Variants in PKHD1 observed in about 807,000 individuals in gnomAD.
PKHD1 encodes the protein PKHD1 ciliary IPT domain containing fibrocystin/polyductin.
Under a neutral mutation model 412.0 loss-of-function variants are expected in PKHD1, and 291 were observed. The observed-to-expected ratio is 0.71, with a 90% CI of 0.64 to 0.78. The LOEUF (loss-of-function observed/expected upper bound fraction) is 0.78, where lower values mean the gene tolerates loss of function less well. PKHD1 is among the 30% of genes least tolerant of loss of function. The pLI is 0.00. For missense variants in PKHD1, 4,825 were observed against 4,950.7 expected, an observed-to-expected ratio of 0.97 and a Z score of 0.76; for synonymous variants, 1,777 against 1,821.5, an observed-to-expected ratio of 0.98 and a Z score of 0.62.
chr6:51,955,198 T>C (rs1238839517), intron 36 of PKHD1, among the ~76,000 whole-genome samples: 2 of 89,672 alleles, frequency 2.2e-5, no homozygotes, highest in East Asian at 4.5e-4. Flanking sequence ...CTAAAAAATA[T>C]TTTTTTTTTA....
intron 37 of PKHD1, among the ~76,000 whole-genome samples, chr6:51,926,782 T>C (rs1785705810): frequency 6.6e-6 from 1 of 152,174 alleles, no homozygotes. Context: ...AGAATGGTTA[T>C]ACAGTGTTTA....
intron 63 of PKHD1, among the ~76,000 whole-genome samples, chr6:51,641,149 A>G (rs988661630): frequency 6.6e-6 from 1 of 152,150 alleles, no homozygotes; most frequent in African/African-American, 2.4e-5. Context: ...TGACATGGGT[A>G]TGCTAAAAAC....
chr6:51,658,449 TTTTA>T (rs1018481710), intron 61 of PKHD1, among the ~76,000 whole-genome samples: 1 of 152,116 alleles, frequency 6.6e-6, no homozygotes, highest in Non-Finnish European at 1.5e-5. Flanking sequence ...TAGTTTTGCT[TTTTA>T]TTTAAGTTCT....
At chr6:51,811,651 TAAAG>T (rs1764698140) in intron 52 of PKHD1, among the ~76,000 whole-genome samples, 1 of 152,138 alleles carries the variant, frequency 6.6e-6, no homozygotes, top group African/African-American at 2.4e-5. Flanking sequence ...GGCTACCTGA[TAAAG>T]AGAGATGGTA....
intron 52 of PKHD1, among the ~76,000 whole-genome samples, chr6:51,810,620 T>C (rs1764548483): frequency 6.6e-6 from 1 of 152,176 alleles, no homozygotes; most frequent in Non-Finnish European, 1.5e-5. Flanking sequence ...TAGTTTTCTC[T>C]GCTCACTCAC....
At chr6:51,899,838 T>A (rs935791131) in intron 43 of PKHD1, among the ~76,000 whole-genome samples, 2 of 152,296 alleles carry the variant, frequency 1.3e-5, no homozygotes, top group South Asian at 2.1e-4. Context: ...ACAATATCAA[T>A]GTACAAAAAT....
intron 36 of PKHD1, among the ~76,000 whole-genome samples, chr6:51,948,831 G>A (rs1789870599): frequency 6.6e-6 from 1 of 152,168 alleles, no homozygotes; most frequent in Admixed American, 6.5e-5. Flanking sequence ...AAAGAATTAG[G>A]TGAGTTAGAA....
At chr6:51,999,205 T>C (rs111695408) in intron 35 of PKHD1, among the ~76,000 whole-genome samples, 335 of 152,320 alleles carry the variant, frequency 2.2e-3, no homozygotes, top group African/African-American at 7.8e-3. Flanking sequence ...CATCCACTCA[T>C]ACATACAGTA....
intron 35 of PKHD1, 26 bp from the exon 36 acceptor site, chr6:51,960,052 G>A (rs895165607): frequency 5.3e-5 from 85 of 1,612,134 alleles, no homozygotes; most frequent in South Asian, 8.8e-5. Flanking sequence ...CTGGGTTGGT[G>A]GGTTGGTTGG....
At chr6:51,753,784 G>C (rs1485028716) in intron 56 of PKHD1, among the ~76,000 whole-genome samples, 1 of 152,144 alleles carries the variant, frequency 6.6e-6, no homozygotes, top group Non-Finnish European at 1.5e-5. Context: ...CAGAGCAAAA[G>C]CAGCTGTGTG....
intron 60 of PKHD1, among the ~76,000 whole-genome samples, chr6:51,710,964 A>G (rs1780590114): frequency 6.6e-6 from 1 of 152,144 alleles, no homozygotes; most frequent in African/African-American, 2.4e-5. Context: ...CTTGTGTGCT[A>G]CTTCAAATCT....
intron 45 of PKHD1, among the ~76,000 whole-genome samples, chr6:51,885,509 C>T (rs944873467): frequency 3.3e-5 from 5 of 152,086 alleles, no homozygotes; most frequent in Middle Eastern, 3.2e-3. Context: ...AGTCCCTTCC[C>T]GTTCTTAGCC....
intron 35 of PKHD1, among the ~76,000 whole-genome samples, chr6:51,976,400 C>T (rs992402163): frequency 4.6e-5 from 7 of 152,104 alleles, no homozygotes; most frequent in Non-Finnish European, 1.0e-4. Context: ...CACAAAAGAA[C>T]AGATATTGTA....
chr6:51,748,198 T>C lies in PKHD1; in HGVS notation c.9418A>G (p.Asn3140Asp), dbSNP rs200077014. 1.2e-6 allele frequency: 2 copies of C among 1,614,088 alleles called. No homozygotes were observed. The highest frequency in any genetic ancestry group is 1.7e-6 in the Non-Finnish European group (2 of 1,179,972). The change falls in exon 58 of 67, where the codon AAC becomes GAC. Residue 3140 changes from asparagine to aspartate, a missense_variant. Coordinates refer to ENST00000371117, the MANE Select transcript of PKHD1 (RefSeq NM_138694.4). ...AAGAAGCCAGAGATTCTGGTACAGT[T>C]GTCAAGTCCACTTTCCTTATAGAGA... Reference protein sequence around the residue: ...LHLYKESGLDNCTRISGFLAF... With the variant: ...LHLYKESGLDDCTRISGFLAF...
rs1288723424 is a variant in PKHD1 at position 52,086,009 on chromosome 6, T to C, written c.-84-992A>G. Among the ~76,000 whole-genome samples the C allele has an allele frequency of 3.3e-5, 5 of 149,662 alleles. No homozygotes were observed. The South Asian group carries it at 1.0e-3, about 31-fold the overall frequency. ...TACTACTAAATACACGTTTAATATA[T>C]ATTTAATTATGTTTATGTTTATTAC... On this transcript the variant is annotated intron_variant, in intron 1 of 66. Transcript: ENST00000371117.
At chr6:51,700,311 T>G (rs1188942845) in intron 60 of PKHD1, among the ~76,000 whole-genome samples, 1 of 152,130 alleles carries the variant, frequency 6.6e-6, no homozygotes, top group East Asian at 1.9e-4. Flanking sequence ...TTTTGATAAA[T>G]GGAGAGAGTA....
rs1768065346 is a variant in PKHD1 at position 51,632,654 on chromosome 6, A to G, written c.11576T>C (p.Ile3859Thr). 6.2e-7 allele frequency: 1 copy of G among 1,613,458 alleles called. No homozygotes were observed. The highest frequency in any genetic ancestry group is 1.3e-5 in the African/African-American group (1 of 75,002). Residue 3859 changes from isoleucine to threonine, a missense_variant, in exon 65 of 67, where the codon ATC (isoleucine) becomes ACC (threonine). Ile to Thr is a moderately conservative substitution (Grantham distance 89). Coordinates refer to ENST00000371117, the MANE Select transcript of PKHD1 (RefSeq NM_138694.4). ...AGAGGACAGGGAAGCAGCCAGGATGATGGTCGACTTCTCCTTCCTAGTCAC... is the reference window on the plus strand; with the variant it reads ...AGAGGACAGGGAAGCAGCCAGGATGGTGGTCGACTTCTCCTTCCTAGTCAC... The part of the protein sequence containing the change: ...LPVTRKEKST[I>T]ILAASLSSVA...
chr6:51,758,106 A>G (rs1175293050), intron 55 of PKHD1, among the ~76,000 whole-genome samples: 1 of 151,950 alleles, frequency 6.6e-6, no homozygotes, highest in Non-Finnish European at 1.5e-5. Context: ...GCACCTAACA[A>G]TGTTCTAGGA....
rs768517445 is a variant in PKHD1 at position 51,649,204 on chromosome 6, T to C, written c.11191A>G (p.Lys3731Glu). Residue 3731 changes from lysine (K) to glutamate (E), a missense_variant, in exon 62 of 67, where the codon AAA becomes GAA. Transcript: ENST00000371117. ...VIGYGNTSSF[K>E]TGNLIYIRPY... ...CGAATATATATCAAGTTCCCAGTTT[T>C]AAAACTGCTTGTATTTCTGACAGAT... 19 of 1,610,632 alleles carry C rather than the reference T, an allele frequency of 1.2e-5. No homozygotes were observed. Among genetic ancestry groups the C allele is most frequent in the Middle Eastern group, 1.6e-4 (1 of 6,078 alleles).
Sources: gnomAD v4.1 joint callset for allele counts (sites outside exome capture counted in the v4.1 genomes callset) on GRCh38, gnomAD v4.1.1 for gene constraint, MANE v1.5 for transcripts, NCBI Gene and HGNC (gene_info 2026-07-23, HGNC 2026-07-21) for gene names.